GATAD1: variants seen among roughly 807,000 people sequenced by gnomAD.
The protein encoded by GATAD1 is GATA zinc finger domain containing 1.
In GATAD1, 12 loss-of-function variants were observed where a neutral mutation model predicts 26.5. The observed-to-expected ratio is 0.45, with a 90% confidence interval of 0.29 to 0.73. The LOEUF (loss-of-function observed/expected upper bound fraction) is 0.73, where lower values mean the gene tolerates loss of function less well. Among genes scored for constraint, GATAD1 ranks in the 30% least tolerant of loss-of-function variants. The pLI is 0.10. For missense variants in GATAD1, 266 were observed against 342.1 expected (o/e 0.78, Z 1.75); for synonymous variants, 129 against 133.1 (o/e 0.97, Z 0.21).
At chr7:92,491,658 G>A in the GATAD1 span, 2 of 597,996 alleles carry the variant, frequency 3.3e-6, no homozygotes, top group South Asian at 4.0e-5. Context: ...TGAGGCACAT[G>A]GTAAAAATTT....
chr7:92,468,972 G>T, the GATAD1 span: 1 of 763,188 alleles, frequency 1.3e-6, no homozygotes, highest in South Asian at 1.3e-5. Context: ...TAACAAGGAG[G>T]TTAAAGATAC....
intron 2 of GATAD1, 200 bp from the exon 3 acceptor site, chr7:92,450,501 G>A: frequency 1.8e-6 from 1 of 543,678 alleles, no homozygotes; most frequent in Non-Finnish European, 3.2e-6. Context: ...CAATTTTTAA[G>A]CTAATAGTAG....
In GATAD1 at chr7:92,456,797, CCTAGTAATAAACAAATCATTGTTTATTA is replaced by C; in HGVS notation, c.*238_*265del. The C allele has an allele frequency of 2.3e-6, 1 of 437,236 alleles. No homozygotes were observed. Among genetic ancestry groups the C allele is most frequent in the Admixed American group, 4.1e-5 (1 of 24,614 alleles). 27.1% of individuals were successfully genotyped at this position (437,236 alleles called of 1,614,324 possible). ...TGACTAAAAAGTTTTTCTCCTGCTACCTAGTAATAAACAAATCATTGTTTATTACTGGTCACTTAGAAAATTAAAAGGG... is the reference window on the plus strand; with the variant it reads ...TGACTAAAAAGTTTTTCTCCTGCTACCTGGTCACTTAGAAAATTAAAAGGG... On this transcript the variant is annotated 3_prime_UTR_variant, in exon 5 of 5. Transcript: ENST00000287957.
the GATAD1 span, among the ~76,000 whole-genome samples, chr7:92,476,668 CTCTCTT>C: frequency 6.6e-6 from 1 of 152,010 alleles, no homozygotes; most frequent in African/African-American, 2.4e-5. Context: ...CTCTGTCTCT[CTCTCTT>C]TCTCCTCCAT....
chr7:92,487,211 A>G, the GATAD1 span: 4 of 269,894 alleles, frequency 1.5e-5, no homozygotes, highest in Non-Finnish European at 2.8e-5. Context: ...ATATTATTTC[A>G]TTAAAGACTG....
At chr7:92,455,577 C>T (rs1789635367) in intron 4 of GATAD1, among the ~76,000 whole-genome samples, 1 of 152,138 alleles carries the variant, frequency 6.6e-6, no homozygotes, top group Non-Finnish European at 1.5e-5. Flanking sequence ...CTGATTAATA[C>T]AATTTTTAAA....
chr7:92,486,601 G>T, the GATAD1 span, among the ~76,000 whole-genome samples: 7,619 of 152,098 alleles, frequency 0.05, 244 homozygotes, highest in African/African-American at 0.086. Context: ...CCTCCTGGGA[G>T]CAAGTGATCC....
At chr7:92,494,941 C>CT in the GATAD1 span, among the ~76,000 whole-genome samples, 6 of 151,794 alleles carry the variant, frequency 4.0e-5, no homozygotes, top group African/African-American at 1.2e-4. Flanking sequence ...CCCATGCCTT[C>CT]TGGATAGACT....
the GATAD1 span, chr7:92,468,738 T>C: frequency 1.4e-6 from 1 of 694,164 alleles, no homozygotes. Context: ...ACCTAAGTGC[T>C]GTTGGGGAGG....
At chr7:92,475,216 G>T in the GATAD1 span, 1 of 152,044 alleles carries the variant, frequency 6.6e-6, no homozygotes, top group African/African-American at 2.4e-5. Context: ...AATATAAGTC[G>T]TTTCTTTCTT....
the GATAD1 span, chr7:92,489,485 T>A: frequency 1.4e-6 from 2 of 1,436,132 alleles, no homozygotes; most frequent in East Asian, 4.6e-5. Context: ...AATGTGGTAG[T>A]CCAGTTGTTA....
At chr7:92,490,295 A>C in the GATAD1 span, 1 of 236,018 alleles carries the variant, frequency 4.2e-6, no homozygotes, top group Non-Finnish European at 8.3e-6. Flanking sequence ...TTAAACCACC[A>C]CCTTACTGTT....
downstream of GATAD1, among the ~76,000 whole-genome samples, chr7:92,460,796 AAAAG>A (rs1585178749): frequency 6.6e-6 from 1 of 151,654 alleles, no homozygotes; most frequent in African/African-American, 2.4e-5. Flanking sequence ...AAAAAAAAAA[AAAAG>A]ACGGAAATTC....
the GATAD1 span, chr7:92,477,824 G>C: frequency 5.8e-6 from 1 of 173,322 alleles, no homozygotes; most frequent in Non-Finnish European, 1.2e-5. Context: ...TGGACGGTGA[G>C]CAAAAGCTCA....
At chr7:92,450,800 A>G (rs759773637) in intron 3 of GATAD1, 40 bp downstream of exon 3, 2 of 1,253,184 alleles carry the variant, frequency 1.6e-6, no homozygotes, top group Non-Finnish European at 2.3e-6. Context: ...AGTTGGGCCT[A>G]GTGGGTAATG....
the GATAD1 span, among the ~76,000 whole-genome samples, chr7:92,476,240 C>T: frequency 6.6e-6 from 1 of 152,172 alleles, no homozygotes; most frequent in East Asian, 1.9e-4. Flanking sequence ...AGTAAGCTAC[C>T]TTTTTGCTTT....
chr7:92,489,727 CG>C, the GATAD1 span: 1 of 1,613,840 alleles, frequency 6.2e-7, no homozygotes, highest in East Asian at 2.2e-5. Flanking sequence ...ACTTTGGCTC[CG>C]GTATCTGCCT....
chr7:92,489,012 G>A, the GATAD1 span, among the ~76,000 whole-genome samples: 1 of 152,180 alleles, frequency 6.6e-6, no homozygotes, highest in African/African-American at 2.4e-5. Flanking sequence ...GGGATTACAG[G>A]CATGAGCCAC....
Position 92,447,868 on chromosome 7 carries a change from G to A in GATAD1, c.139G>A (p.Gly47Arg). ...GGAGSGGAGS[G>R]AAGGTGGSGG... ...CGCGGGCAGCGGGGGCGCAGGCTCG[G>A]GGGCGGCTGGAGGGACTGGGGGCAG... Residue 47 changes from glycine to arginine, a missense_variant, in exon 1 of 5, where the codon GGG (glycine) becomes AGG (arginine). Transcript: ENST00000287957. 1 of 1,359,992 alleles carries A rather than the reference G, an allele frequency of 7.4e-7. No individual in the cohort carries two copies. Among genetic ancestry groups the A allele is most frequent in the Non-Finnish European group, 9.5e-7 (1 of 1,052,910 alleles). 84.2% of individuals were successfully genotyped at this position (1,359,992 alleles called of 1,614,324 possible).
Sources: gnomAD v4.1 joint callset for allele counts (sites outside exome capture counted in the v4.1 genomes callset) on GRCh38, gnomAD v4.1.1 for gene constraint, MANE v1.5 for transcripts, NCBI Gene and HGNC (gene_info 2026-07-23, HGNC 2026-07-21) for gene names.